DOCK7: variants seen among roughly 807,000 people sequenced by gnomAD.
The protein encoded by DOCK7 is dedicator of cytokinesis protein 7.
Under a neutral mutation model 271.0 loss-of-function variants are expected in DOCK7, and 138 were observed. The observed-to-expected ratio is 0.51, with a 90% CI of 0.44 to 0.59. The LOEUF (loss-of-function observed/expected upper bound fraction) is 0.59. DOCK7 is among the 20% of genes least tolerant of loss of function. DOCK7 has a pLI of 0.00. For synonymous variants in DOCK7, 823 were observed against 876.1 expected (o/e 0.94, Z 1.07); for missense variants, 2,066 against 2,592.4 (o/e 0.80, Z 4.41).
At chr1:62,643,833 C>G (rs888342369) in intron 7 of DOCK7, among the ~76,000 whole-genome samples, 1 of 151,966 alleles carries the variant, frequency 6.6e-6, no homozygotes, top group African/African-American at 2.4e-5. Context: ...GTTTTATCAT[C>G]AAGTTCACTT....
intron 37 of DOCK7, among the ~76,000 whole-genome samples, chr1:62,503,600 G>A (rs963197293): frequency 4.0e-5 from 6 of 151,746 alleles, no homozygotes; most frequent in South Asian, 2.1e-4. Context: ...CACCAAGCCC[G>A]GCTAGTATTA....
rs111509724 is a variant in DOCK7 at position 62,633,487 on chromosome 1, T to G, written c.1116+11A>C. ...AATAATGTGGCGGAAATGAGAAGCA[T>G]AACATTCTACCTTGGTGGCATCTGC... On this transcript the variant is annotated intron_variant, in intron 10 of 49. Coordinates refer to ENST00000635253, the MANE Select transcript of DOCK7 (RefSeq NM_001367561.1). 6.3e-7 allele frequency: 1 copy of G among 1,590,310 alleles called. No homozygotes were observed. Among genetic ancestry groups the G allele is most frequent in the Admixed American group, 1.7e-5 (1 of 59,548 alleles).
At chr1:62,571,396 G>A (rs1212527703) in intron 18 of DOCK7, among the ~76,000 whole-genome samples, 2 of 152,152 alleles carry the variant, frequency 1.3e-5, no homozygotes, top group Non-Finnish European at 2.9e-5. Context: ...ATAAAGTCAA[G>A]AAACAACAGA....
At chr1:62,682,164 CA>C (rs1231710012) in intron 1 of DOCK7, among the ~76,000 whole-genome samples, 3 of 151,994 alleles carry the variant, frequency 2.0e-5, no homozygotes, top group African/African-American at 7.3e-5. Context: ...AACAAGTCAA[CA>C]AAAGGAGGAC....
intron 7 of DOCK7, among the ~76,000 whole-genome samples, chr1:62,640,145 AC>A (rs1291791180): frequency 6.6e-6 from 1 of 152,212 alleles, no homozygotes; most frequent in Non-Finnish European, 1.5e-5. Context: ...AAAGAAAAAA[AC>A]ATTTTTTAAT....
intron 14 of DOCK7, among the ~76,000 whole-genome samples, chr1:62,598,420 A>T (rs1649613885): frequency 1.3e-5 from 2 of 152,062 alleles, no homozygotes; most frequent in Admixed American, 6.6e-5. Flanking sequence ...TAAATAATAC[A>T]GTAAATGGAA....
intron 31 of DOCK7, among the ~76,000 whole-genome samples, chr1:62,521,529 A>G (rs904562770): frequency 7.2e-5 from 11 of 152,218 alleles, no homozygotes; most frequent in African/African-American, 2.7e-4. Flanking sequence ...ACTGATAAAG[A>G]CAAGAAAAGG....
intron 16 of DOCK7, among the ~76,000 whole-genome samples, chr1:62,582,419 G>A (rs868455548): frequency 1.3e-5 from 2 of 148,508 alleles, no homozygotes; most frequent in African/African-American, 2.5e-5. Context: ...GCGTAGTGGC[G>A]GGCGCCTGTA....
At chr1:62,685,536 C>T (rs1391105788) in intron 1 of DOCK7, among the ~76,000 whole-genome samples, 1 of 151,980 alleles carries the variant, frequency 6.6e-6, no homozygotes, top group East Asian at 1.9e-4. Flanking sequence ...TCAACCCCCA[C>T]CCACCCCCGG....
At chr1:62,495,944 G>T in intron 38 of DOCK7, 1 of 387,810 alleles carries the variant, frequency 2.6e-6, no homozygotes, top group South Asian at 4.8e-5. Context: ...TAAAACAGAG[G>T]GATATGGGAA....
chr1:62,501,718 A>G (rs1052024349), intron 37 of DOCK7, among the ~76,000 whole-genome samples: 1 of 152,038 alleles, frequency 6.6e-6, no homozygotes, highest in African/African-American at 2.4e-5. Context: ...ACATCTGTTT[A>G]TGCACTCTAT....
rs1167483338 is a variant in DOCK7 at position 62,473,977 on chromosome 1, A to C, written c.6212+5T>G. 1.2e-6 allele frequency: 2 copies of C among 1,611,272 alleles called. No homozygotes were observed. The highest frequency in any genetic ancestry group is 1.7e-5 in the Admixed American group (1 of 59,922). On this transcript the variant is annotated splice_donor_5th_base_variant and intron_variant, in intron 48 of 49. Coordinates refer to ENST00000635253, the MANE Select transcript of DOCK7 (RefSeq NM_001367561.1). ...GAAGATCTTTACGCAGAAAGCCTTGAATACCTTTTAGTAAAATCTTTAAAG... is the reference window on the plus strand; with the variant it reads ...GAAGATCTTTACGCAGAAAGCCTTGCATACCTTTTAGTAAAATCTTTAAAG...
chr1:62,664,287 A>G (rs542937946), intron 1 of DOCK7, among the ~76,000 whole-genome samples: 1 of 152,226 alleles, frequency 6.6e-6, no homozygotes, highest in East Asian at 1.9e-4. Flanking sequence ...TGTGGGAGGG[A>G]CCCTGTGAGA....
chr1:62,538,374 C>T (rs1230698149), intron 27 of DOCK7, among the ~76,000 whole-genome samples: 2 of 152,176 alleles, frequency 1.3e-5, no homozygotes, highest in Non-Finnish European at 2.9e-5. Flanking sequence ...TTATTACTTC[C>T]TTCTTAAAAG....
chr1:62,504,482 T>G (rs1646882642), intron 37 of DOCK7, 148 bp downstream of exon 37: 1 of 856,922 alleles, frequency 1.2e-6, no homozygotes, highest in Non-Finnish European at 1.7e-6. Context: ...TTGTAAGATA[T>G]ACACAGAATG....
At chr1:62,591,423 A>C (rs766075803) in intron 14 of DOCK7, among the ~76,000 whole-genome samples, 2 of 152,144 alleles carry the variant, frequency 1.3e-5, no homozygotes, top group African/African-American at 2.4e-5. Context: ...TGAGTGATGA[A>C]ATAATCTGTA....
At chr1:62,611,990 CAAA>C (rs11361002) in intron 14 of DOCK7, among the ~76,000 whole-genome samples, 1 of 129,778 alleles carries the variant, frequency 7.7e-6, no homozygotes, top group Non-Finnish European at 1.7e-5. Flanking sequence ...AGTAAAAATA[CAAA>C]AAAAAAAAAA....
At chr1:62,601,246 C>G (rs778441659) in intron 14 of DOCK7, 1 of 1,258,238 alleles carries the variant, frequency 7.9e-7, no homozygotes, top group South Asian at 1.2e-5. Context: ...TATCAAATTC[C>G]CTATTCTTAG....
At chr1:62,681,219 G>GT (rs1661088097) in intron 1 of DOCK7, among the ~76,000 whole-genome samples, 1 of 152,068 alleles carries the variant, frequency 6.6e-6, no homozygotes. Flanking sequence ...AAAAGGATGA[G>GT]TTCATGTCCT....
Sources: gnomAD v4.1 joint callset for allele counts (sites outside exome capture counted in the v4.1 genomes callset) on GRCh38, gnomAD v4.1.1 for gene constraint, MANE v1.5 for transcripts, NCBI Gene and HGNC (gene_info 2026-07-23, HGNC 2026-07-21) for gene names.